The following CPNE4 variants were observed in gnomAD, a reference collection of about 807,000 sequenced individuals.
CPNE4 encodes the protein copine-4.
A neutral mutation model predicts 67.9 loss-of-function variants in CPNE4; 25 were observed. That is an observed-to-expected ratio of 0.37 (90% CI 0.27 to 0.51). CPNE4 has a LOEUF of 0.51. Ranked by LOEUF, CPNE4 falls within the 20% of genes least tolerant of loss-of-function variation. The pLI is 0.93. For synonymous variants in CPNE4, 242 were observed against 244.9 expected (o/e 0.99, Z 0.11); for missense variants, 464 against 690.8 (o/e 0.67, Z 3.68).
intron 6 of CPNE4, among the ~76,000 whole-genome samples, chr3:131,683,860 C>A: frequency 6.6e-6 from 1 of 152,262 alleles, no homozygotes; most frequent in Non-Finnish European, 1.5e-5. Flanking sequence ...TTCCCTCTGG[C>A]TAGGACTGGT....
At chr3:131,861,327 T>C (rs1377744763) in intron 2 of CPNE4, among the ~76,000 whole-genome samples, 1 of 152,124 alleles carries the variant, frequency 6.6e-6, no homozygotes, top group Non-Finnish European at 1.5e-5. Flanking sequence ...AGATTAAGGA[T>C]TTGAACTTGC....
intron 2 of CPNE4, among the ~76,000 whole-genome samples, chr3:131,747,285 A>G (rs1189015549): frequency 6.6e-6 from 1 of 151,834 alleles, no homozygotes; most frequent in East Asian, 1.9e-4. Context: ...TTAGTTTGAT[A>G]TAATCCATTT....
intron 1 of CPNE4, among the ~76,000 whole-genome samples, chr3:131,986,877 AAAAC>A (rs2073062175): frequency 6.6e-6 from 1 of 151,904 alleles, no homozygotes; most frequent in South Asian, 2.1e-4. Context: ...CAAAAAAAAA[AAAAC>A]AAAGAACTTA....
chr3:131,841,378 C>A lies in CPNE4; in HGVS notation c.180+63886G>T, dbSNP rs182559058. Among the ~76,000 whole-genome samples the A allele has an allele frequency of 1.5e-3, 225 of 152,294 alleles. 1 individual carries two copies. Among genetic ancestry groups the A allele is most frequent in the Non-Finnish European group, 2.6e-3 (179 of 68,024 alleles). Reference sequence around the variant, plus strand: ...AAATCATCACACAGGGGTCCCCAACCCCTGGACCATGGACCAGTACCAGTC... The same window carrying A: ...AAATCATCACACAGGGGTCCCCAACACCTGGACCATGGACCAGTACCAGTC... On this transcript the variant is annotated intron_variant, in intron 2 of 15. Transcript: ENST00000429747.
At chr3:131,588,167 G>A (rs570788589) in intron 7 of CPNE4, among the ~76,000 whole-genome samples, 2 of 152,198 alleles carry the variant, frequency 1.3e-5, no homozygotes, top group Non-Finnish European at 1.5e-5. Flanking sequence ...GGAAAATAGT[G>A]CACAGACAAT....
At chr3:131,610,471 C>A (rs1939771257) in intron 7 of CPNE4, among the ~76,000 whole-genome samples, 1 of 152,150 alleles carries the variant, frequency 6.6e-6, no homozygotes, top group Middle Eastern at 3.2e-3. Flanking sequence ...CCTGAGACTG[C>A]TAGATTGTTC....
At chr3:131,965,940 CACTT>C (rs1345580723) in intron 1 of CPNE4, among the ~76,000 whole-genome samples, 4 of 152,210 alleles carry the variant, frequency 2.6e-5, no homozygotes, top group African/African-American at 9.6e-5. Flanking sequence ...CACCACATCA[CACTT>C]ATTCTAAAAT....
intron 1 of CPNE4, among the ~76,000 whole-genome samples, chr3:131,953,232 GATCA>G (rs2071823563): frequency 8.1e-5 from 2 of 24,546 alleles, no homozygotes; most frequent in Non-Finnish European, 1.5e-4. Context: ...ACCCAAGAAT[GATCA>G]ATTAAAAAAA....
chr3:131,616,724 C>G lies in CPNE4; in HGVS notation c.682-29142G>C, dbSNP rs138870007. Among the ~76,000 whole-genome samples the G allele has an allele frequency of 4.1e-3, 622 of 152,250 alleles. 3 individuals carry two copies. The highest frequency in any genetic ancestry group is 0.014 in the African/African-American group (570 of 41,528). ...AACCAATGAATCAGTATGGTAAAAT[C>G]TGTACAGCTTCGAATTAATCAGAAC... On this transcript the variant is annotated intron_variant, in intron 7 of 15. Transcript: ENST00000429747.
chr3:131,850,461 G>A (rs1488832422), intron 2 of CPNE4, among the ~76,000 whole-genome samples: 1 of 152,134 alleles, frequency 6.6e-6, no homozygotes, highest in Non-Finnish European at 1.5e-5. Context: ...GTTAAATTAA[G>A]TAGGGAATGT....
At chr3:131,976,101 G>C (rs961433708) in intron 1 of CPNE4, among the ~76,000 whole-genome samples, 2 of 99,188 alleles carry the variant, frequency 2.0e-5, no homozygotes, top group African/African-American at 8.4e-5. Flanking sequence ...TTTTTTTAAA[G>C]AATGCACTCT....
chr3:131,865,305 G>C (rs1381311534), intron 2 of CPNE4, among the ~76,000 whole-genome samples: 1 of 152,094 alleles, frequency 6.6e-6, no homozygotes, highest in Non-Finnish European at 1.5e-5. Flanking sequence ...TTGTACCTCT[G>C]GTAGAATTCG....
At chr3:131,731,895 T>C (rs2082136275) in intron 2 of CPNE4, among the ~76,000 whole-genome samples, 1 of 152,186 alleles carries the variant, frequency 6.6e-6, no homozygotes, top group Non-Finnish European at 1.5e-5. Context: ...TGTCAACATA[T>C]ATACTAGTAA....
At chr3:131,828,997 G>T (rs555463121) in intron 2 of CPNE4, among the ~76,000 whole-genome samples, 31 of 152,296 alleles carry the variant, frequency 2.0e-4, no homozygotes, top group African/African-American at 5.5e-4. Context: ...TGGACTTAAG[G>T]TTCCACATAG....
At chr3:131,687,079 A>T (rs752596691) in intron 5 of CPNE4, among the ~76,000 whole-genome samples, 2 of 152,142 alleles carry the variant, frequency 1.3e-5, no homozygotes, top group African/African-American at 2.4e-5. Context: ...AAGCACCTCC[A>T]TGGGTTTCTC....
chr3:131,588,983 G>T (rs974673575), intron 7 of CPNE4, among the ~76,000 whole-genome samples: 1 of 152,114 alleles, frequency 6.6e-6, no homozygotes, highest in Non-Finnish European at 1.5e-5. Context: ...AGGCTAGCAG[G>T]TCTTCCAAGG....
intron 10 of CPNE4, among the ~76,000 whole-genome samples, chr3:131,566,585 G>A (rs1937070303): frequency 6.6e-6 from 1 of 151,912 alleles, no homozygotes; most frequent in Admixed American, 6.6e-5. Context: ...ACAAGATAGA[G>A]ATCCAAACTC....
chr3:131,571,419 T>C lies in CPNE4; in HGVS notation c.927+3652A>G, dbSNP rs949917247. 2.0e-5 allele frequency among the ~76,000 whole-genome samples: 3 copies of C among 152,056 alleles called. No individual in the cohort carries two copies. The South Asian group carries it at 6.2e-4, about 31-fold the overall frequency. On this transcript the variant is annotated intron_variant, in intron 10 of 15. Transcript: ENST00000429747. ...CCTAGGTCCATATTTATAAGTACCA[T>C]CTCCACTGGGATACCTGAAAGTACC...
At chr3:131,803,982 T>A (rs915499532) in intron 2 of CPNE4, among the ~76,000 whole-genome samples, 1 of 152,184 alleles carries the variant, frequency 6.6e-6, no homozygotes, top group Non-Finnish European at 1.5e-5. Context: ...AATCAATACA[T>A]CTTAATTATT....
Sources: gnomAD v4.1 joint callset for allele counts (sites outside exome capture counted in the v4.1 genomes callset) on GRCh38, gnomAD v4.1.1 for gene constraint, MANE v1.5 for transcripts, NCBI Gene and HGNC (gene_info 2026-07-23, HGNC 2026-07-21) for gene names.